LOXL2: variants seen among roughly 807,000 people sequenced by gnomAD.
The protein encoded by LOXL2 is lysyl oxidase homolog 2.
In LOXL2, 70 loss-of-function variants were observed where a neutral mutation model predicts 93.0. The ratio of observed to expected loss-of-function variants is 0.75; its 90% CI spans 0.62 to 0.92. The LOEUF (loss-of-function observed/expected upper bound fraction) is 0.92, where lower values mean the gene tolerates loss of function less well. Among genes scored for constraint, LOXL2 ranks in the 40% least tolerant of loss-of-function variants. The pLI, the probability that LOXL2 is intolerant of heterozygous loss-of-function variation, is 0.00. For synonymous variants in LOXL2, 438 were observed against 413.2 expected (o/e 1.06, Z -0.73); for missense variants, 973 against 1,054.9 (o/e 0.92, Z 1.08).
intron 2 of LOXL2, chr8:23,366,214 C>T (rs1804398394): frequency 1.3e-5 from 2 of 152,238 alleles, no homozygotes. Flanking sequence ...CCCTGGATCG[C>T]TCAGCCAGCC....
chr8:23,316,473 T>C (rs555544159), intron 9 of LOXL2, among the ~76,000 whole-genome samples: 5 of 152,266 alleles, frequency 3.3e-5, no homozygotes, highest in African/African-American at 1.2e-4. Context: ...TGGGTCATCC[T>C]GAATCCTGGC....
At chr8:23,402,189 C>T (rs181595896) in intron 1 of LOXL2, among the ~76,000 whole-genome samples, 1 of 152,008 alleles carries the variant, frequency 6.6e-6, no homozygotes, top group African/African-American at 2.4e-5. Flanking sequence ...ACACACGTGC[C>T]CGCGCACACA....
chr8:23,335,169 A>C (rs533643971), intron 4 of LOXL2, among the ~76,000 whole-genome samples: 1 of 152,158 alleles, frequency 6.6e-6, no homozygotes, highest in Non-Finnish European at 1.5e-5. Flanking sequence ...TATCATTGTA[A>C]GGAGGCCGTG....
intron 1 of LOXL2, among the ~76,000 whole-genome samples, chr8:23,372,078 T>C (rs989710344): frequency 2.0e-5 from 3 of 151,952 alleles, no homozygotes; most frequent in African/African-American, 7.3e-5. Flanking sequence ...ATAAAACAAT[T>C]GTTACAAATA....
intron 1 of LOXL2, among the ~76,000 whole-genome samples, chr8:23,368,692 G>A (rs1039413250): frequency 6.6e-6 from 1 of 152,152 alleles, no homozygotes; most frequent in Non-Finnish European, 1.5e-5. Context: ...CTTAATTTAA[G>A]GAGAGTTTTT....
chr8:23,297,745 A>C lies in LOXL2; in HGVS notation c.*298T>G. 1 of 323,252 alleles carries C rather than the reference A, an allele frequency of 3.1e-6. No individual in the cohort carries two copies. The highest frequency in any genetic ancestry group is 5.8e-6 in the Non-Finnish European group (1 of 173,320). 20.0% of individuals were successfully genotyped at this position (323,252 alleles called of 1,614,324 possible). A position where few individuals can be genotyped will look rare whatever the true frequency, so the allele number is the denominator to read the frequency against. Reference sequence around the variant, plus strand: ...GGCTTGAATGGGACAAGCTGATGACAACCTGTCTGTGGGCCTCATCCCGGT... The same window carrying C: ...GGCTTGAATGGGACAAGCTGATGACCACCTGTCTGTGGGCCTCATCCCGGT... On this transcript the variant is annotated 3_prime_UTR_variant, in exon 14 of 14. Coordinates refer to ENST00000389131, the MANE Select transcript of LOXL2 (RefSeq NM_002318.3).
At chr8:23,395,113 G>A (rs1800074264) in intron 1 of LOXL2, among the ~76,000 whole-genome samples, 1 of 152,082 alleles carries the variant, frequency 6.6e-6, no homozygotes, top group Non-Finnish European at 1.5e-5. Flanking sequence ...AATTAGCTGG[G>A]TATTGTGGCG....
At chr8:23,395,196 G>T (rs113372042) in intron 1 of LOXL2, among the ~76,000 whole-genome samples, 24 of 152,118 alleles carry the variant, frequency 1.6e-4, no homozygotes, top group Admixed American at 1.1e-3. Flanking sequence ...GGAGGTTGCA[G>T]TGAGCCGAGA....
chr8:23,310,763 A>G (rs1261487613), intron 9 of LOXL2, among the ~76,000 whole-genome samples: 1 of 152,230 alleles, frequency 6.6e-6, no homozygotes, highest in Non-Finnish European at 1.5e-5. Flanking sequence ...GCTGCCCCAC[A>G]GGAGAGTTTT....
intron 1 of LOXL2, among the ~76,000 whole-genome samples, chr8:23,381,095 C>CTTTT (rs55908148): frequency 6.9e-6 from 1 of 145,138 alleles, no homozygotes; most frequent in Non-Finnish European, 1.5e-5. Flanking sequence ...CCTCTCCAGT[C>CTTTT]TTTTTTTTTT....
intron 10 of LOXL2, among the ~76,000 whole-genome samples, chr8:23,308,578 G>A (rs953935105): frequency 1.3e-5 from 2 of 152,138 alleles, no homozygotes; most frequent in African/African-American, 4.8e-5. Flanking sequence ...ACCCAGTTCA[G>A]GTCTGAGCAA....
chr8:23,384,804 C>T (rs961882185), intron 1 of LOXL2, among the ~76,000 whole-genome samples: 43 of 152,058 alleles, frequency 2.8e-4, no homozygotes, highest in African/African-American at 1.0e-3. Flanking sequence ...ATCCCAGCTA[C>T]TTGGGAGGCT....
In LOXL2 at chr8:23,326,746, C is replaced by T. The variant is rs561510683; in HGVS notation, c.1150+1636G>A. 2.6e-5 allele frequency among the ~76,000 whole-genome samples: 4 copies of T among 152,014 alleles called. No individual in the cohort carries two copies. The South Asian group carries it at 8.3e-4, about 32-fold the overall frequency. On this transcript the variant is annotated intron_variant, in intron 6 of 13. Coordinates refer to ENST00000389131, the MANE Select transcript of LOXL2 (RefSeq NM_002318.3). ...TGGGTGACTGAGTGAGACTCTGTCTCCAAAAAAGATCCAGGGGATCCTGTG... is the reference window on the plus strand; with the variant it reads ...TGGGTGACTGAGTGAGACTCTGTCTTCAAAAAAGATCCAGGGGATCCTGTG...
At chr8:23,304,971 T>C (rs1464713758) in intron 10 of LOXL2, among the ~76,000 whole-genome samples, 6 of 152,146 alleles carry the variant, frequency 3.9e-5, no homozygotes, top group African/African-American at 1.4e-4. Flanking sequence ...TATCAGAAGT[T>C]GCTAAGTTGG....
intron 10 of LOXL2, among the ~76,000 whole-genome samples, chr8:23,307,424 A>G (rs1183345631): frequency 3.9e-5 from 6 of 152,170 alleles, no homozygotes; most frequent in African/African-American, 1.4e-4. Flanking sequence ...AACATCTGTA[A>G]ACAAAGAAAT....
In LOXL2 at chr8:23,301,101, C is replaced by T. The variant is rs564197325; in HGVS notation, c.2133+926G>A. ...ACTGTCTGTAGGTGGGGACCGTGGG[C>T]CAGGCCCTGGGCTGGCTGAATGCCC... On this transcript the variant is annotated intron_variant, in intron 12 of 13. Transcript: ENST00000389131. Among the ~76,000 whole-genome samples the T allele has an allele frequency of 4.6e-5, 7 of 152,302 alleles. No individual in the cohort carries two copies. The South Asian group carries it at 1.5e-3, about 32-fold the overall frequency.
At chr8:23,352,159 CAA>C (rs1331053770) in intron 3 of LOXL2, among the ~76,000 whole-genome samples, 2 of 152,164 alleles carry the variant, frequency 1.3e-5, no homozygotes, top group African/African-American at 4.8e-5. Flanking sequence ...GGGCGAGAGA[CAA>C]AACCCAGGAG....
intron 1 of LOXL2, among the ~76,000 whole-genome samples, chr8:23,369,079 T>G (rs1450793223): frequency 1.3e-5 from 2 of 152,062 alleles, no homozygotes; most frequent in Non-Finnish European, 2.9e-5. Context: ...TGGGGGCCGG[T>G]GGAGAAGGAG....
chr8:23,357,759 A>G (rs1460716625), intron 3 of LOXL2, among the ~76,000 whole-genome samples: 3 of 152,152 alleles, frequency 2.0e-5, no homozygotes, highest in Non-Finnish European at 2.9e-5. Context: ...ACAGAGGCCC[A>G]TCTAAGATGT....
Sources: allele counts gnomAD v4.1 joint callset (sites outside exome capture counted in the v4.1 genomes callset), GRCh38; gene constraint gnomAD v4.1.1; transcripts MANE v1.5; gene names NCBI Gene and HGNC (gene_info 2026-07-23, HGNC 2026-07-21).